The following SLC45A4 variants were observed in gnomAD, a reference collection of about 807,000 sequenced individuals.
SLC45A4 encodes solute carrier family 45 member 4, also known as polyamine-transporter SLC45A4.
In SLC45A4, 32 loss-of-function variants were observed where a neutral mutation model predicts 63.7. That is an observed-to-expected ratio of 0.50 (90% CI 0.38 to 0.67). The LOEUF is 0.67. Ranked by LOEUF, SLC45A4 falls within the 30% of genes least tolerant of loss-of-function variation. The probability of loss-of-function intolerance (pLI) is 0.00; values close to 1 mark genes in which losing one functional copy is unlikely to be tolerated. For missense variants in SLC45A4, 1,027 were observed against 1,157.7 expected, an observed-to-expected ratio of 0.89 and a Z score of 1.64; for synonymous variants, 535 against 510.0, an observed-to-expected ratio of 1.05 and a Z score of -0.66.
At chr8:141,303,973 T>G (rs1425801074) in intron 1 of SLC45A4, among the ~76,000 whole-genome samples, 2 of 152,162 alleles carry the variant, frequency 1.3e-5, no homozygotes, top group Non-Finnish European at 2.9e-5. Context: ...CTGGCACCCT[T>G]ATTCCTGCAC....
chr8:141,241,169 C>T (rs1054584528), intron 2 of SLC45A4, among the ~76,000 whole-genome samples: 3 of 152,260 alleles, frequency 2.0e-5, no homozygotes, highest in African/African-American at 7.2e-5. Context: ...AAATGTAGTG[C>T]ATAACACACA....
chr8:141,288,304 C>A (rs1260387641), intron 1 of SLC45A4, among the ~76,000 whole-genome samples: 1 of 152,200 alleles, frequency 6.6e-6, no homozygotes, highest in Non-Finnish European at 1.5e-5. Flanking sequence ...CACACAAACA[C>A]CAGAAACAGA....
At chr8:141,246,714 C>T (rs1181920020) in intron 2 of SLC45A4, among the ~76,000 whole-genome samples, 1 of 122,886 alleles carries the variant, frequency 8.1e-6, no homozygotes, top group Non-Finnish European at 1.8e-5. Context: ...CTCCCTGACC[C>T]CTCTGTGTAA....
At chr8:141,272,695 C>T (rs1352153488) in intron 1 of SLC45A4, among the ~76,000 whole-genome samples, 3 of 152,196 alleles carry the variant, frequency 2.0e-5, no homozygotes, top group Non-Finnish European at 4.4e-5. Context: ...ACCCTCTGCC[C>T]GCTGCCCCTC....
intron 2 of SLC45A4, among the ~76,000 whole-genome samples, chr8:141,245,215 G>C (rs1306867246): frequency 6.6e-6 from 1 of 152,176 alleles, no homozygotes; most frequent in African/African-American, 2.4e-5. Context: ...GGAGATGCTG[G>C]TATCTGCTGA....
rs185211438 is a variant in SLC45A4 at position 141,271,603 on chromosome 8, C to T, written c.-400-16974G>A. 2.1e-3 allele frequency among the ~76,000 whole-genome samples: 320 copies of T among 152,318 alleles called. 2 individuals are homozygous for T. The highest frequency in any genetic ancestry group is 4.9e-4 in the Non-Finnish European group (33 of 68,032). On this transcript the variant is annotated intron_variant, in intron 1 of 8. Coordinates refer to ENST00000517878, the MANE Select transcript of SLC45A4 (RefSeq NM_001286646.2). ...ATCCCCCTCCTGATCCCCTTCCTGA[C>T]CCCATTTCAGAAGGGGCCAGGGAAG...
At chr8:141,241,262 C>T (rs1589802090) in intron 2 of SLC45A4, among the ~76,000 whole-genome samples, 5 of 152,392 alleles carry the variant, frequency 3.3e-5, no homozygotes, top group Admixed American at 6.5e-5. Flanking sequence ...GGGCGACAGA[C>T]GGCTCACCGG....
At chr8:141,282,111 G>A (rs1325011981) in intron 1 of SLC45A4, among the ~76,000 whole-genome samples, 4 of 152,208 alleles carry the variant, frequency 2.6e-5, no homozygotes, top group Non-Finnish European at 5.9e-5. Context: ...TTTGGAAGTA[G>A]GACGATCGTC....
rs1302907378 is a variant in SLC45A4 at position 141,256,383 on chromosome 8, A to G, written c.-400-1754T>C. ...ACTGGTTTCAACAAAAATATTTCTC[A>G]TTACTTTCCACCGAACCAAAGGTGG... On this transcript the variant is annotated intron_variant, in intron 1 of 8. Coordinates refer to ENST00000517878, the MANE Select transcript of SLC45A4 (RefSeq NM_001286646.2). The surrounding 1 kb of genome is among the most constrained non-coding windows in gnomAD (Gnocchi z 4.3). 4 of 353,600 alleles carry G rather than the reference A, an allele frequency of 1.1e-5. No homozygotes were observed. Among genetic ancestry groups the G allele is most frequent in the Non-Finnish European group, 2.3e-5 (4 of 176,980 alleles). The allele number at this position is 353,600 out of a possible 1,614,324, so 21.9% of individuals were successfully genotyped here.
Position 141,211,499 on chromosome 8 carries a change from C to T in SLC45A4, c.*73G>A, listed in dbSNP as rs756593769. On this transcript the variant is annotated 3_prime_UTR_variant, in exon 9 of 9. Coordinates refer to ENST00000517878, the MANE Select transcript of SLC45A4 (RefSeq NM_001286646.2). ...CCTCCTCCCAGCTTTGGTGTGCGGTCGCTGCCCAAGGACAGGGCTGCCCTG... is the reference window on the plus strand; with the variant it reads ...CCTCCTCCCAGCTTTGGTGTGCGGTTGCTGCCCAAGGACAGGGCTGCCCTG... 6 of 1,608,480 alleles carry T rather than the reference C, an allele frequency of 3.7e-6. No homozygotes were observed. The highest frequency in any genetic ancestry group is 1.1e-5 in the South Asian group (1 of 90,250).
intron 2 of SLC45A4, among the ~76,000 whole-genome samples, chr8:141,242,838 C>T (rs1271783869): frequency 6.6e-6 from 1 of 152,198 alleles, no homozygotes; most frequent in Admixed American, 6.5e-5. Flanking sequence ...TATACAAACA[C>T]CGCGGGAAGC....
chr8:141,237,383 C>A (rs994149015), intron 2 of SLC45A4, among the ~76,000 whole-genome samples: 2 of 152,114 alleles, frequency 1.3e-5, no homozygotes, highest in Non-Finnish European at 2.9e-5. Flanking sequence ...CACACCACAG[C>A]CCAGATTGTG....
intron 1 of SLC45A4, among the ~76,000 whole-genome samples, chr8:141,265,848 G>A (rs944867570): frequency 6.6e-5 from 10 of 152,188 alleles, no homozygotes; most frequent in Admixed American, 1.3e-4. Context: ...CTGTTCCAGC[G>A]ACTGTCGGGG....
At chr8:141,282,215 G>A (rs1394139855) in intron 1 of SLC45A4, among the ~76,000 whole-genome samples, 1 of 152,196 alleles carries the variant, frequency 6.6e-6, no homozygotes, top group Non-Finnish European at 1.5e-5. Context: ...GGTAGAAACA[G>A]AGCCCGGGAG....
chr8:141,243,308 C>G (rs1164064382), intron 2 of SLC45A4, among the ~76,000 whole-genome samples: 2 of 152,126 alleles, frequency 1.3e-5, no homozygotes, highest in Non-Finnish European at 2.9e-5. Flanking sequence ...CCGCCAGGTG[C>G]CCCCCGCCGC....
intron 1 of SLC45A4, among the ~76,000 whole-genome samples, chr8:141,295,528 C>T (rs1197146048): frequency 1.3e-5 from 2 of 152,174 alleles, no homozygotes; most frequent in Non-Finnish European, 2.9e-5. Flanking sequence ...TAAGGAAATC[C>T]CTTCTGCAAT....
chr8:141,258,592 C>T (rs987967042), intron 1 of SLC45A4, among the ~76,000 whole-genome samples: 3 of 152,154 alleles, frequency 2.0e-5, no homozygotes, highest in East Asian at 1.9e-4. Context: ...CAGTCAGACC[C>T]GTTTTTCAAA....
At chr8:141,225,191 AC>A (rs1215932707) in intron 2 of SLC45A4, 1 of 152,168 alleles carries the variant, frequency 6.6e-6, no homozygotes, top group African/African-American at 2.4e-5. Context: ...TTTAAAAAAA[AC>A]ATGTCTAATA....
Position 141,218,789 on chromosome 8 carries a change from G to A in SLC45A4, c.851C>T (p.Pro284Leu), listed in dbSNP as rs749540390. Residue 284 changes from proline to leucine, a missense_variant, in exon 5 of 9, where the codon CCA becomes CTA. Coordinates refer to ENST00000517878, the MANE Select transcript of SLC45A4 (RefSeq NM_001286646.2). ...CTCGTGCTCCGACTGTACCTCGTCT[G>A]GGAAGGCAGGGACGCCGTGCGGCTC... The part of the protein sequence containing the change: ...GGEPHGVPAF[P>L]DEVQSEHELA... 2.5e-6 allele frequency: 4 copies of A among 1,613,232 alleles called. No individual in the cohort carries two copies. The highest frequency in any genetic ancestry group is 1.3e-5 in the African/African-American group (1 of 75,056).
Sources: allele counts gnomAD v4.1 joint callset (sites outside exome capture counted in the v4.1 genomes callset), GRCh38; gene constraint gnomAD v4.1.1; non-coding constraint Gnocchi (gnomAD v3.1); transcripts MANE v1.5; gene names NCBI Gene and HGNC (gene_info 2026-07-23, HGNC 2026-07-21).